WNT5B: variants seen among roughly 807,000 people sequenced by gnomAD.
The protein encoded by WNT5B is Wnt family member 5B, also known as protein Wnt-5b.
In WNT5B, 18 loss-of-function variants were observed where a neutral mutation model predicts 36.5. The observed-to-expected ratio is 0.49, with a 90% CI of 0.34 to 0.73. The LOEUF is 0.73. WNT5B is among the 30% of genes least tolerant of loss of function. WNT5B has a pLI of 0.01. For missense variants in WNT5B, 424 were observed against 508.4 expected, an observed-to-expected ratio of 0.83 and a Z score of 1.60; for synonymous variants, 213 against 212.3, an observed-to-expected ratio of 1.00 and a Z score of -0.03.
chr12:1,638,799 A>G (rs2094567104), intron 3 of WNT5B, among the ~76,000 whole-genome samples: 1 of 152,070 alleles, frequency 6.6e-6, no homozygotes, highest in Non-Finnish European at 1.5e-5. Context: ...GACAGCTTGG[A>G]TTTTTCTAGA....
chr12:1,627,525 G>A (rs3809267), upstream of WNT5B, among the ~76,000 whole-genome samples: 8 of 152,230 alleles, frequency 5.3e-5, no homozygotes, highest in South Asian at 4.2e-4. This position sits in a 1 kb window ranked among gnomAD's most constrained non-coding sequence, Gnocchi z 5.0. Flanking sequence ...TACCTGTCCC[G>A]GTCTCTCTTT....
At chr12:1,627,169 G>A (rs924447397), upstream of WNT5B, among the ~76,000 whole-genome samples, 1 of 152,222 alleles carries the variant, frequency 6.6e-6, no homozygotes, top group East Asian at 1.9e-4. This position sits in a 1 kb window ranked among gnomAD's most constrained non-coding sequence, Gnocchi z 5.0. Context: ...GGGAGGGATG[G>A]TCAGGGAAGG....
intron 1 of WNT5B, among the ~76,000 whole-genome samples, chr12:1,620,038 T>C (rs1386967620): frequency 6.6e-6 from 1 of 152,234 alleles, no homozygotes; most frequent in Admixed American, 6.5e-5. Flanking sequence ...AATATGACTT[T>C]TTTATTTTTA....
intron 3 of WNT5B, among the ~76,000 whole-genome samples, chr12:1,636,689 T>C (rs1565609148): frequency 1.3e-5 from 2 of 151,110 alleles, no homozygotes; most frequent in Non-Finnish European, 2.9e-5. Context: ...TACAGGCACA[T>C]GCTACCATGC....
intron 4 of WNT5B, among the ~76,000 whole-genome samples, chr12:1,642,116 A>G (rs2154439832): frequency 6.6e-6 from 1 of 152,316 alleles, no homozygotes; most frequent in Non-Finnish European, 1.5e-5. Context: ...ATCTGTGATT[A>G]TGATAGGCTA....
intron 2 of WNT5B, among the ~76,000 whole-genome samples, chr12:1,631,731 ACAAGAATAT>A (rs145529710): frequency 0.028 from 4,310 of 152,258 alleles, 208 homozygotes; most frequent in African/African-American, 0.098. Flanking sequence ...TCTTGGGTCA[ACAAGAATAT>A]CAATACTTGG....
Position 1,618,960 on chromosome 12 carries a change from C to T in WNT5B, c.-58+1817C>T, listed in dbSNP as rs2094530278. Among the ~76,000 whole-genome samples, 1 of 152,156 alleles carries T rather than the reference C, an allele frequency of 6.6e-6. No individual in the cohort carries two copies. The highest frequency in any genetic ancestry group is 2.4e-5 in the African/African-American group (1 of 41,412). On this transcript the variant is annotated intron_variant, in intron 1 of 4. Transcript: ENST00000310594. This position sits in a 1 kb window ranked among gnomAD's most constrained non-coding sequence, Gnocchi z 4.1. ...GAATTGTTTCTGCGCTCCTGCCACCCTGCACTGTGATTGGGTCTGTTTTGC... is the reference window on the plus strand; with the variant it reads ...GAATTGTTTCTGCGCTCCTGCCACCTTGCACTGTGATTGGGTCTGTTTTGC...
At chr12:1,642,392 A>G (rs1294097404) in intron 4 of WNT5B, among the ~76,000 whole-genome samples, 1 of 152,078 alleles carries the variant, frequency 6.6e-6, no homozygotes, top group Non-Finnish European at 1.5e-5. Flanking sequence ...CTCCCACCTG[A>G]TCTTCAATCG....
chr12:1,632,927 G>A lies in WNT5B; in HGVS notation c.328+22G>A, dbSNP rs1435642562. The A allele has an allele frequency of 8.8e-6, 14 of 1,588,934 alleles. No individual in the cohort carries two copies. Among genetic ancestry groups the A allele is most frequent in the Non-Finnish European group, 1.1e-5 (13 of 1,162,396 alleles). On this transcript the variant is annotated intron_variant, in intron 3 of 4. Coordinates refer to ENST00000397196, the MANE Select transcript of WNT5B (RefSeq NM_032642.3). This position sits in a 1 kb window ranked among gnomAD's most constrained non-coding sequence, Gnocchi z 5.8. ...ATAGGTAAGAGGCCATTACAAGAGG[G>A]CTCGGCCAAGGAACTGCACTCGTCT... is the stretch of plus-strand genomic sequence containing the variant.
chr12:1,633,973 A>G lies in WNT5B; in HGVS notation c.328+1068A>G, dbSNP rs1174484038. On this transcript the variant is annotated intron_variant, in intron 3 of 4. Transcript: ENST00000397196. The surrounding 1 kb of genome is among the most constrained non-coding windows in gnomAD (Gnocchi z 4.8). ...GTAATCCCAGCACCTTGGGAGGCTG[A>G]GGCAGGAGGATTCCTTGAGGCCAGG... Among the ~76,000 whole-genome samples, 2 of 152,220 alleles carry G rather than the reference A, an allele frequency of 1.3e-5. No homozygotes were observed. The highest frequency in any genetic ancestry group is 2.9e-5 in the Non-Finnish European group (2 of 68,042).
Position 1,633,206 on chromosome 12 carries a change from C to T in WNT5B, c.328+301C>T, listed in dbSNP as rs180739260. ...TGGGACTCACTGAGAGGGGGCAGGA[C>T]ATCTGAGTTGACTTAGAGTGGATTA... On this transcript the variant is annotated intron_variant, in intron 3 of 4. Coordinates refer to ENST00000397196, the MANE Select transcript of WNT5B (RefSeq NM_032642.3). The surrounding 1 kb of genome is among the most constrained non-coding windows in gnomAD (Gnocchi z 4.8). Among the ~76,000 whole-genome samples, 7 of 152,196 alleles carry T rather than the reference C, an allele frequency of 4.6e-5. No individual in the cohort carries two copies. Among genetic ancestry groups the T allele is most frequent in the African/African-American group, 1.2e-4 (5 of 41,554 alleles).
intron 1 of WNT5B, 127 bp from the exon 2 acceptor site, chr12:1,631,171 C>A: frequency 1.2e-6 from 1 of 808,154 alleles, no homozygotes; most frequent in Non-Finnish European, 1.8e-6. Flanking sequence ...TGGAAAGAGG[C>A]CGAGCTTCTT....
chr12:1,628,031 G>A (rs904981972), upstream of WNT5B, among the ~76,000 whole-genome samples: 4 of 152,172 alleles, frequency 2.6e-5, no homozygotes, highest in African/African-American at 7.2e-5. Flanking sequence ...TGAATGAAGA[G>A]GAGGAACAGA....
intron 4 of WNT5B, among the ~76,000 whole-genome samples, chr12:1,645,333 G>T (rs907482486): frequency 2.5e-4 from 38 of 152,144 alleles, no homozygotes; most frequent in African/African-American, 8.9e-4. Flanking sequence ...CAAATTCCTG[G>T]GCTCAAGTGA....
chr12:1,638,282 C>A lies in WNT5B; in HGVS notation c.329-1402C>A, dbSNP rs531931353. ...AACAAACAAACAAAAAAACACAACA[C>A]CTGCACAGCACAAGAAAGCTGAGCA... On this transcript the variant is annotated intron_variant, in intron 3 of 4. Coordinates refer to ENST00000397196, the MANE Select transcript of WNT5B (RefSeq NM_032642.3). Among the ~76,000 whole-genome samples the A allele has an allele frequency of 6.6e-5, 10 of 152,316 alleles. No homozygotes were observed. The South Asian group carries it at 2.1e-3, about 32-fold the overall frequency.
Position 1,632,875 on chromosome 12 carries a change from G to T in WNT5B, c.298G>T (p.Ala100Ser), listed in dbSNP as rs144259665. ...GTGGAATTGCAGCACAGCGGACAACGCATCTGTCTTTGGGAGAGTCATGCA... is the reference window on the plus strand; with the variant it reads ...GTGGAATTGCAGCACAGCGGACAACTCATCTGTCTTTGGGAGAGTCATGCA... ...RRWNCSTADN[A>S]SVFGRVMQIG... The change falls in exon 3 of 5, where the codon GCA becomes TCA. Residue 100 changes from alanine to serine, a missense_variant. Coordinates refer to ENST00000397196, the MANE Select transcript of WNT5B (RefSeq NM_032642.3). This position sits in a 1 kb window ranked among gnomAD's most constrained non-coding sequence, Gnocchi z 5.8. 18 of 1,613,588 alleles carry T rather than the reference G, an allele frequency of 1.1e-5. No homozygotes were observed. Among genetic ancestry groups the T allele is most frequent in the Admixed American group, 1.7e-5 (1 of 59,986 alleles).
Position 1,632,612 on chromosome 12 carries a change from G to A in WNT5B, c.81-46G>A. The A allele has an allele frequency of 2.6e-6, 4 of 1,565,532 alleles. No homozygotes were observed. Among genetic ancestry groups the A allele is most frequent in the Admixed American group, 1.8e-5 (1 of 56,488 alleles). On this transcript the variant is annotated intron_variant, in intron 2 of 4. Transcript: ENST00000397196. This position sits in a 1 kb window ranked among gnomAD's most constrained non-coding sequence, Gnocchi z 5.8. ...GACTTAATGCTGCACACAGGCGTAT[G>A]CTCACTCCTGGGCCTTTTTTTCCCC...
Position 1,632,991 on chromosome 12 carries a change from G to C in WNT5B, c.328+86G>C. 6.6e-7 allele frequency: 1 copy of C among 1,520,384 alleles called. No individual in the cohort carries two copies. Among genetic ancestry groups the C allele is most frequent in the South Asian group, 1.3e-5 (1 of 79,088 alleles). 94.2% of individuals were successfully genotyped at this position (1,520,384 alleles called of 1,614,324 possible). A position where few individuals can be genotyped will look rare whatever the true frequency, so the allele number is the denominator to read the frequency against. On this transcript the variant is annotated intron_variant, in intron 3 of 4. Coordinates refer to ENST00000397196, the MANE Select transcript of WNT5B (RefSeq NM_032642.3). The surrounding 1 kb of genome is among the most constrained non-coding windows in gnomAD (Gnocchi z 5.8). ...TTAAGCTCTCTCAGGACTGGCACAG[G>C]GAGAGCCCAAAGGCAGCCTAAGTGG...
chr12:1,638,108 C>T (rs1311709262), intron 3 of WNT5B, among the ~76,000 whole-genome samples: 1 of 152,160 alleles, frequency 6.6e-6, no homozygotes, highest in Admixed American at 6.6e-5. Context: ...ATTAGCTGGG[C>T]GCAGTGGTGT....
Sources: allele counts gnomAD v4.1 joint callset (sites outside exome capture counted in the v4.1 genomes callset), GRCh38; gene constraint gnomAD v4.1.1; non-coding constraint Gnocchi (gnomAD v3.1); transcripts MANE v1.5; gene names NCBI Gene and HGNC (gene_info 2026-07-23, HGNC 2026-07-21).